Variants in PAK2 observed in about 807,000 individuals in gnomAD.
The protein encoded by PAK2 is p21 (RAC1) activated kinase 2.
Under a neutral mutation model 65.9 loss-of-function variants are expected in PAK2, and 21 were observed. The ratio of observed to expected loss-of-function variants is 0.32; its 90% CI spans 0.23 to 0.46. PAK2 has a LOEUF of 0.46. Ranked by LOEUF, PAK2 falls within the 20% of genes least tolerant of loss-of-function variation. The pLI, the probability that PAK2 is intolerant of heterozygous loss-of-function variation, is 1.00. For synonymous variants in PAK2, 204 were observed against 219.7 expected (o/e 0.93, Z 0.63); for missense variants, 324 against 642.6 (o/e 0.50, Z 5.36).
intron 1 of PAK2, among the ~76,000 whole-genome samples, chr3:196,750,530 G>A (rs2686593): frequency 0.46 from 70,330 of 151,386 alleles, 16,750 homozygotes; most frequent in Non-Finnish European, 0.53. Flanking sequence ...TGTCCTGTAC[G>A]ATCATGATTT....
intron 1 of PAK2, among the ~76,000 whole-genome samples, chr3:196,748,501 A>T (rs536205062): frequency 6.6e-6 from 1 of 152,004 alleles, no homozygotes; most frequent in Non-Finnish European, 1.5e-5. Flanking sequence ...TTTTACTGCA[A>T]CCCCTGGCAA....
intron 2 of PAK2, among the ~76,000 whole-genome samples, chr3:196,787,154 A>G (rs547669649): frequency 6.6e-6 from 1 of 152,156 alleles, no homozygotes; most frequent in Non-Finnish European, 1.5e-5. Flanking sequence ...CTGATGGAAC[A>G]AATCTCTTAA....
At chr3:196,781,675 C>T (rs939479586) in intron 1 of PAK2, among the ~76,000 whole-genome samples, 3 of 152,206 alleles carry the variant, frequency 2.0e-5, no homozygotes, top group Non-Finnish European at 4.4e-5. Flanking sequence ...TGCATTGTTT[C>T]AAGATTCCTT....
At position 196,771,804 on chromosome 3, in the gene PAK2, C is replaced by T. The variant is rs370968352; in HGVS notation, c.-21-10822C>T. On this transcript the variant is annotated intron_variant, in intron 1 of 14. Coordinates refer to ENST00000327134, the MANE Select transcript of PAK2 (RefSeq NM_002577.4). Reference sequence around the variant, plus strand: ...AACTCCCGACCTCAGATGATCCACCCGCCTAAGCCTCCCAAAGTGCTGGGA... The same window carrying T: ...AACTCCCGACCTCAGATGATCCACCTGCCTAAGCCTCCCAAAGTGCTGGGA... Among the ~76,000 whole-genome samples the T allele has an allele frequency of 2.6e-5, 4 of 152,200 alleles. No individual in the cohort carries two copies. The South Asian group carries it at 6.2e-4, about 24-fold the overall frequency.
Position 196,824,148 on chromosome 3 carries a change from A to G in PAK2, c.1351-3048A>G, listed in dbSNP as rs543859211. Among the ~76,000 whole-genome samples the G allele has an allele frequency of 3.9e-5, 6 of 152,350 alleles. No homozygotes were observed. In the South Asian group the frequency reaches 1.2e-3, roughly 32 times the overall value. The stretch of plus-strand genomic sequence containing the variant: ...TTCCACGGAGAGTGCCTCTGGGCCA[A>G]GAGAAAATCATTAAGACTGTCCCAG... On this transcript the variant is annotated intron_variant, in intron 13 of 14. Coordinates refer to ENST00000327134, the MANE Select transcript of PAK2 (RefSeq NM_002577.4).
chr3:196,795,369 G>A (rs1302779807), intron 2 of PAK2, among the ~76,000 whole-genome samples: 1 of 152,094 alleles, frequency 6.6e-6, no homozygotes, highest in African/African-American at 2.4e-5. Context: ...TTGGTAGGCT[G>A]AGGCAGGAGG....
chr3:196,805,277 C>CTT (rs368708603), intron 4 of PAK2, 75 bp from the exon 5 acceptor site: 126 of 616,756 alleles, frequency 2.0e-4, no homozygotes, highest in Middle Eastern at 4.7e-4. Flanking sequence ...ACTTTCTCTG[C>CTT]TTTTTTTTTT....
intron 3 of PAK2, among the ~76,000 whole-genome samples, 195 bp from the exon 4 acceptor site, chr3:196,802,822 G>T (rs1250949488): frequency 6.6e-6 from 1 of 152,020 alleles, no homozygotes; most frequent in African/African-American, 2.4e-5. Context: ...CTCCAGCCTG[G>T]GTGACAGAGT....
chr3:196,766,173 A>T (rs1714160327), intron 1 of PAK2, among the ~76,000 whole-genome samples: 1 of 151,930 alleles, frequency 6.6e-6, no homozygotes, highest in Non-Finnish European at 1.5e-5. Context: ...GGGATTACAG[A>T]CATGAGCCAC....
chr3:196,802,580 C>T lies in PAK2; in HGVS notation c.289-437C>T, dbSNP rs139226207. ...GACCTAGGCCGGGCGCGGTGGCTCA[C>T]GCCTGTGTAATCCCAGCACTTTGGG... On this transcript the variant is annotated intron_variant, in intron 3 of 14. Transcript: ENST00000327134. Among the ~76,000 whole-genome samples, 297 of 152,282 alleles carry T rather than the reference C, an allele frequency of 2.0e-3. 1 individual carries two copies. The highest frequency in any genetic ancestry group is 5.0e-3 in the Admixed American group (76 of 15,282).
intron 1 of PAK2, among the ~76,000 whole-genome samples, chr3:196,764,225 A>C (rs910354606): frequency 2.6e-5 from 4 of 152,224 alleles, no homozygotes; most frequent in African/African-American, 4.8e-5. Flanking sequence ...GTTTATTTGC[A>C]TAACTTCTTT....
rs200026947 is a variant in PAK2 at position 196,801,914 on chromosome 3, T to C, written c.188-13T>C. The C allele has an allele frequency of 2.1e-4, 292 of 1,369,158 alleles. 1 individual carries two copies. The Middle Eastern group carries it at 5.9e-3, about 28-fold the overall frequency. The allele number at this position is 1,369,158 out of a possible 1,614,324, so 84.8% of individuals were successfully genotyped here. On this transcript the variant is annotated splice_polypyrimidine_tract_variant and intron_variant, in intron 2 of 14. Transcript: ENST00000327134. ...TAGGCTGATTCTTTCTCTTTTTTTC[T>C]AATGCCCCCTAGGAAGTAAAAAGAA...
chr3:196,741,807 T>C (rs1323340312), intron 1 of PAK2, among the ~76,000 whole-genome samples: 1 of 151,954 alleles, frequency 6.6e-6, no homozygotes, highest in East Asian at 1.9e-4. Context: ...GTTGGAGTTT[T>C]GTTGGAGTTT....
In PAK2 at chr3:196,827,254, C is replaced by A. The variant is rs1221732915; in HGVS notation, c.1409C>A (p.Ser470Tyr). 6 of 1,611,588 alleles carry A rather than the reference C, an allele frequency of 3.7e-6. No individual in the cohort carries two copies. Among genetic ancestry groups the A allele is most frequent in the African/African-American group, 1.3e-5 (1 of 74,968 alleles). The change falls in exon 14 of 15, where the codon TCC (serine) becomes TAC (tyrosine). Residue 470 changes from serine (S) to tyrosine (Y), a missense_variant. This residue lies in a region of PAK2 where 43 missense variants were observed against 67.6 expected (regional missense o/e 0.64). Coordinates refer to ENST00000327134, the MANE Select transcript of PAK2 (RefSeq NM_002577.4). The part of the protein sequence containing the change: ...TPELQNPEKL[S>Y]PIFRDFLNRC... ...GAACTTCAGAATCCAGAGAAACTTTCCCCAATATTTCGGGATTTCTTAAAT... is the reference window on the plus strand; with the variant it reads ...GAACTTCAGAATCCAGAGAAACTTTACCCAATATTTCGGGATTTCTTAAAT...
At chr3:196,826,039 A>T (rs1408770962) in intron 13 of PAK2, among the ~76,000 whole-genome samples, 2 of 149,288 alleles carry the variant, frequency 1.3e-5, no homozygotes, top group Admixed American at 6.8e-5. Flanking sequence ...TTTAGTAGCG[A>T]TGGGGTTTTG....
intron 13 of PAK2, among the ~76,000 whole-genome samples, chr3:196,826,102 T>C (rs1384044306): frequency 7.9e-5 from 12 of 152,108 alleles, no homozygotes; most frequent in Non-Finnish European, 1.3e-4. Flanking sequence ...TCCACTTGTC[T>C]CAGCATCCCA....
chr3:196,818,235 A>G (rs1711529943), intron 12 of PAK2, 79 bp downstream of exon 12: 1 of 649,542 alleles, frequency 1.5e-6, no homozygotes, highest in Non-Finnish European at 2.8e-6. Context: ...TTCTTGACCA[A>G]TGCAAGGATT....
At chr3:196,768,206 C>G (rs985229975) in intron 1 of PAK2, among the ~76,000 whole-genome samples, 1 of 152,022 alleles carries the variant, frequency 6.6e-6, no homozygotes, top group Non-Finnish European at 1.5e-5. Flanking sequence ...TACCTGTGGT[C>G]CCTGCTCATT....
At chr3:196,782,292 T>G (rs1714738061) in intron 1 of PAK2, among the ~76,000 whole-genome samples, 1 of 148,744 alleles carries the variant, frequency 6.7e-6, no homozygotes, top group Non-Finnish European at 1.5e-5. Flanking sequence ...TTTTCCTCTT[T>G]GGAATTAAAA....
Sources: gnomAD v4.1 joint callset for allele counts (sites outside exome capture counted in the v4.1 genomes callset) on GRCh38, gnomAD v4.1.1 for gene constraint, gnomAD v4.1.1 regional missense constraint, MANE v1.5 for transcripts, NCBI Gene and HGNC (gene_info 2026-07-23, HGNC 2026-07-21) for gene names.